ULK4: variants seen among roughly 807,000 people sequenced by gnomAD.
The protein encoded by ULK4 is unc-51 like kinase 4.
Under a neutral mutation model 160.6 loss-of-function variants are expected in ULK4, and 133 were observed. The ratio of observed to expected loss-of-function variants is 0.83; its 90% confidence interval spans 0.72 to 0.96. ULK4 has a LOEUF of 0.96. ULK4 is among the 40% of genes least tolerant of loss of function. The pLI is 0.00. For synonymous variants in ULK4, 534 were observed against 539.8 expected (o/e 0.99, Z 0.15); for missense variants, 1,580 against 1,499.5 (o/e 1.05, Z -0.89).
intron 2 of ULK4, among the ~76,000 whole-genome samples, chr3:41,939,476 T>C (rs1218679595): frequency 1.5e-5 from 2 of 133,964 alleles, no homozygotes; most frequent in Non-Finnish European, 3.2e-5. Context: ...TGATTATCTG[T>C]AGGTGATAGG....
At chr3:41,495,010 G>T (rs1339528812) in intron 32 of ULK4, among the ~76,000 whole-genome samples, 2 of 151,932 alleles carry the variant, frequency 1.3e-5, no homozygotes, top group Non-Finnish European at 2.9e-5. Flanking sequence ...ACTGCCCAAG[G>T]TAATTTATAG....
At chr3:41,913,100 A>G (rs1698847019) in intron 8 of ULK4, 1 of 534,202 alleles carries the variant, frequency 1.9e-6, no homozygotes, top group Non-Finnish European at 3.3e-6. Flanking sequence ...CAGAAGCATT[A>G]AATGGTACAG....
chr3:41,809,545 G>T (rs1030523681), intron 19 of ULK4, among the ~76,000 whole-genome samples: 3 of 152,066 alleles, frequency 2.0e-5, no homozygotes, highest in Non-Finnish European at 4.4e-5. Context: ...TTCTATTTTT[G>T]ATTTTAAAAG....
intron 31 of ULK4, among the ~76,000 whole-genome samples, chr3:41,608,733 G>T (rs2032508047): frequency 6.6e-6 from 1 of 152,194 alleles, no homozygotes; most frequent in Non-Finnish European, 1.5e-5. Context: ...TAGGGAAGAA[G>T]TTCAGTGGTA....
chr3:41,634,581 T>C (rs995463473), intron 30 of ULK4, among the ~76,000 whole-genome samples: 3 of 152,070 alleles, frequency 2.0e-5, no homozygotes, highest in Non-Finnish European at 2.9e-5. Context: ...AACAGGCAAA[T>C]GTCTGCATGG....
At chr3:41,328,553 A>G (rs2080380219) in intron 35 of ULK4, among the ~76,000 whole-genome samples, 1 of 152,198 alleles carries the variant, frequency 6.6e-6, no homozygotes, top group African/African-American at 2.4e-5. Flanking sequence ...TATTAATTCT[A>G]CGTGATGCCA....
At chr3:41,446,041 A>C (rs1314711961) in intron 34 of ULK4, among the ~76,000 whole-genome samples, 1 of 152,184 alleles carries the variant, frequency 6.6e-6, no homozygotes. Context: ...AAAAACAAAC[A>C]ACCCCATCAA....
intron 17 of ULK4, among the ~76,000 whole-genome samples, chr3:41,848,500 C>G (rs958278911): frequency 1.3e-5 from 2 of 152,166 alleles, no homozygotes; most frequent in Admixed American, 6.5e-5. Flanking sequence ...AGACATTCTG[C>G]CCCTCAAATA....
At chr3:41,358,574 G>T (rs1397080729) in intron 35 of ULK4, among the ~76,000 whole-genome samples, 4 of 152,176 alleles carry the variant, frequency 2.6e-5, no homozygotes, top group East Asian at 3.9e-4. Context: ...TTATGTGGAA[G>T]AATCTTCCAG....
intron 17 of ULK4, among the ~76,000 whole-genome samples, chr3:41,845,053 C>A (rs1430029071): frequency 6.6e-6 from 1 of 151,864 alleles, no homozygotes; most frequent in Non-Finnish European, 1.5e-5. Flanking sequence ...GCAAGCTCCG[C>A]TTCCCGGGTT....
chr3:41,814,223 T>G (rs2040899418), intron 19 of ULK4, among the ~76,000 whole-genome samples: 1 of 152,238 alleles, frequency 6.6e-6, no homozygotes, highest in Admixed American at 6.5e-5. Flanking sequence ...TGGATTTCTG[T>G]GTAAATTTTC....
intron 25 of ULK4, among the ~76,000 whole-genome samples, chr3:41,707,308 C>A (rs2036935798): frequency 6.6e-6 from 1 of 151,916 alleles, no homozygotes; most frequent in Non-Finnish European, 1.5e-5. Flanking sequence ...TTGGTCTGGG[C>A]AATAATTTTT....
chr3:41,646,021 C>T (rs1257642359), intron 30 of ULK4, among the ~76,000 whole-genome samples: 4 of 151,990 alleles, frequency 2.6e-5, no homozygotes, highest in Non-Finnish European at 5.9e-5. Flanking sequence ...CAACCCCTGC[C>T]TTTTTTTGTT....
chr3:41,910,474 G>C (rs1053516118), intron 11 of ULK4, among the ~76,000 whole-genome samples: 1 of 151,816 alleles, frequency 6.6e-6, no homozygotes, highest in Non-Finnish European at 1.5e-5. Context: ...GGCCCCTGTA[G>C]TCCCAGCTAC....
intron 35 of ULK4, among the ~76,000 whole-genome samples, chr3:41,347,307 G>C (rs1260873778): frequency 6.6e-6 from 1 of 151,664 alleles, no homozygotes; most frequent in Non-Finnish European, 1.5e-5. Flanking sequence ...TTTCATTTTT[G>C]GAAAAAAATC....
At chr3:41,530,401 C>T (rs77878443) in intron 32 of ULK4, among the ~76,000 whole-genome samples, 10 of 152,082 alleles carry the variant, frequency 6.6e-5, no homozygotes, top group African/African-American at 2.4e-4. Flanking sequence ...GCACTGGGCC[C>T]TTATGTCATG....
intron 35 of ULK4, chr3:41,278,128 A>T (rs907771679): frequency 2.6e-5 from 4 of 152,362 alleles, no homozygotes; most frequent in African/African-American, 9.6e-5. Flanking sequence ...CAGCCAGCAG[A>T]CCAGGAGATT....
At chr3:41,470,427 C>T (rs1209240033) in intron 32 of ULK4, among the ~76,000 whole-genome samples, 1 of 152,126 alleles carries the variant, frequency 6.6e-6, no homozygotes, top group Admixed American at 6.5e-5. Flanking sequence ...CAAACAAATG[C>T]TAACGGAATT....
At chr3:41,270,709 A>G (rs531958149) in intron 35 of ULK4, among the ~76,000 whole-genome samples, 16 of 152,184 alleles carry the variant, frequency 1.1e-4, no homozygotes, top group Admixed American at 2.0e-4. Flanking sequence ...AAATACTACT[A>G]ATGTCCTCAT....
Sources: gnomAD v4.1 joint callset for allele counts (sites outside exome capture counted in the v4.1 genomes callset) on GRCh38, gnomAD v4.1.1 for gene constraint, MANE v1.5 for transcripts, NCBI Gene and HGNC (gene_info 2026-07-23, HGNC 2026-07-21) for gene names.